The following SLC38A6 variants were observed in gnomAD, a reference collection of about 807,000 sequenced individuals.
The protein encoded by SLC38A6 is solute carrier family 38 member 6.
A neutral mutation model predicts 65.0 loss-of-function variants in SLC38A6; 73 were observed. The observed-to-expected ratio is 1.12, with a 90% CI of 0.93 to 1.37. The LOEUF (loss-of-function observed/expected upper bound fraction) is 1.37, where lower values mean the gene tolerates loss of function less well. SLC38A6 is among the 40% of genes most tolerant of loss of function. The pLI is 0.00. For synonymous variants in SLC38A6, 183 were observed against 178.8 expected, an observed-to-expected ratio of 1.02 and a Z score of -0.19; for missense variants, 561 against 531.1, an observed-to-expected ratio of 1.06 and a Z score of -0.55.
At chr14:60,990,387 C>G (rs2037773684) in intron 3 of SLC38A6, among the ~76,000 whole-genome samples, 1 of 152,102 alleles carries the variant, frequency 6.6e-6, no homozygotes, top group African/African-American at 2.4e-5. Context: ...GCCTGGAACT[C>G]TCCCCTGAAT....
At chr14:61,070,300 TGTA>T (rs1254849251) in intron 15 of SLC38A6, among the ~76,000 whole-genome samples, 3 of 152,234 alleles carry the variant, frequency 2.0e-5, no homozygotes, top group African/African-American at 7.2e-5. Context: ...CAAGGAATCA[TGTA>T]GTATTTTGTC....
chr14:61,037,220 G>A, intron 7 of SLC38A6, 79 bp downstream of exon 7: 1 of 1,085,284 alleles, frequency 9.2e-7, no homozygotes. Flanking sequence ...ATATTAAGGG[G>A]CTTTAAAATT....
chr14:61,040,491 C>T (rs966803922), intron 8 of SLC38A6, among the ~76,000 whole-genome samples: 4 of 152,126 alleles, frequency 2.6e-5, no homozygotes, highest in African/African-American at 9.7e-5. Flanking sequence ...AGGCACCCGC[C>T]ACCACGCCTG....
intron 3 of SLC38A6, chr14:61,004,681 T>G: frequency 6.6e-6 from 1 of 152,344 alleles, no homozygotes; most frequent in East Asian, 1.9e-4. Flanking sequence ...GCTCTGAAAT[T>G]GTGGCAATAA....
At chr14:60,999,388 TG>T (rs2139361679) in intron 3 of SLC38A6, among the ~76,000 whole-genome samples, 1 of 152,374 alleles carries the variant, frequency 6.6e-6, no homozygotes, top group South Asian at 2.1e-4. Flanking sequence ...AAATGGCCTT[TG>T]TGTGCTCCTC....
chr14:61,077,332 A>C (rs1210678896), intron 15 of SLC38A6, among the ~76,000 whole-genome samples: 1 of 152,212 alleles, frequency 6.6e-6, no homozygotes, highest in Non-Finnish European at 1.5e-5. Context: ...AGGTGGAAAG[A>C]AGTAGATACA....
At position 61,052,036 on chromosome 14, in the gene SLC38A6, T is replaced by A. The variant is rs975608916; in HGVS notation, c.1196-5T>A. 5 of 1,601,590 alleles carry A rather than the reference T, an allele frequency of 3.1e-6. No individual in the cohort carries two copies. The highest frequency in any genetic ancestry group is 1.3e-5 in the African/African-American group (1 of 74,128). Reference sequence around the variant, plus strand: ...TCCTCTCTTTTTTTTCCCTCCACTTTAAAGGTGCCAGTACATCAACATGTT... The same window carrying A: ...TCCTCTCTTTTTTTTCCCTCCACTTAAAAGGTGCCAGTACATCAACATGTT... On this transcript the variant is annotated splice_region_variant and splice_polypyrimidine_tract_variant and intron_variant, in intron 14 of 15. Coordinates refer to ENST00000267488, the MANE Select transcript of SLC38A6 (RefSeq NM_153811.3).
intron 3 of SLC38A6, among the ~76,000 whole-genome samples, chr14:61,008,490 C>T (rs1402875732): frequency 1.3e-5 from 2 of 152,062 alleles, no homozygotes; most frequent in Admixed American, 1.3e-4. Flanking sequence ...AAATGATGAG[C>T]CATATCTTTA....
intron 3 of SLC38A6, among the ~76,000 whole-genome samples, chr14:60,989,188 C>T (rs1221646302): frequency 6.6e-6 from 1 of 152,066 alleles, no homozygotes; most frequent in African/African-American, 2.4e-5. Flanking sequence ...TACTCTGTTC[C>T]TTGGGATGAA....
intron 15 of SLC38A6, among the ~76,000 whole-genome samples, chr14:61,072,511 C>T (rs532315855): frequency 2.6e-5 from 4 of 152,186 alleles, no homozygotes; most frequent in African/African-American, 7.2e-5. Flanking sequence ...ACCATTTTCA[C>T]CCTGCCCCTA....
Position 61,015,907 on chromosome 14 carries a change from T to A in SLC38A6, c.314T>A (p.Val105Glu), listed in dbSNP as rs1937395093. Residue 105 changes from valine (V) to glutamate (E), a missense_variant, in exon 4 of 16, where the codon GTA (valine) becomes GAA (glutamate). Coordinates refer to ENST00000267488, the MANE Select transcript of SLC38A6 (RefSeq NM_153811.3). ...ACATTGTAATTTCTCTTAACAGCTG[T>A]AACATCTTATGAAGATCTTGGACTC... is the stretch of plus-strand genomic sequence containing the variant. The part of the protein sequence containing the change: ...LLLSMCIQTA[V>E]TSYEDLGLFA... 1 of 1,606,140 alleles carries A rather than the reference T, an allele frequency of 6.2e-7. No homozygotes were observed. Among genetic ancestry groups the A allele is most frequent in the South Asian group, 1.1e-5 (1 of 89,034 alleles).
At chr14:61,003,820 A>G (rs2038881272) in intron 3 of SLC38A6, among the ~76,000 whole-genome samples, 1 of 152,158 alleles carries the variant, frequency 6.6e-6, no homozygotes, top group Non-Finnish European at 1.5e-5. Context: ...AATTTTTGCA[A>G]CAAAAGAAGT....
chr14:61,067,010 G>GA (rs1175471013), intron 15 of SLC38A6, among the ~76,000 whole-genome samples: 1 of 152,032 alleles, frequency 6.6e-6, no homozygotes, highest in Non-Finnish European at 1.5e-5. Flanking sequence ...AAAAAGTTCA[G>GA]ATACAACTTT....
chr14:60,989,179 A>G (rs768772965), intron 3 of SLC38A6, among the ~76,000 whole-genome samples: 7 of 151,780 alleles, frequency 4.6e-5, no homozygotes, highest in Non-Finnish European at 7.4e-5. Context: ...GTGCCTATAT[A>G]CTCTGTTCCT....
At chr14:60,999,853 G>T (rs2038580620) in intron 3 of SLC38A6, among the ~76,000 whole-genome samples, 1 of 152,224 alleles carries the variant, frequency 6.6e-6, no homozygotes, top group Non-Finnish European at 1.5e-5. Flanking sequence ...GAGTGGCCCT[G>T]TGGACACCTT....
At chr14:61,025,776 G>A (rs1226823577) in intron 5 of SLC38A6, among the ~76,000 whole-genome samples, 1 of 151,990 alleles carries the variant, frequency 6.6e-6, no homozygotes, top group Non-Finnish European at 1.5e-5. Flanking sequence ...CATGTGTTCT[G>A]TACTATTTGA....
At chr14:61,062,450 G>GTT (rs1566723246) in intron 15 of SLC38A6, among the ~76,000 whole-genome samples, 1 of 148,620 alleles carries the variant, frequency 6.7e-6, no homozygotes, top group East Asian at 2.0e-4. Context: ...TTTGCCATCT[G>GTT]TTTATTTTCT....
At chr14:61,047,004 A>G (rs528763074) in intron 12 of SLC38A6, among the ~76,000 whole-genome samples, 8 of 152,256 alleles carry the variant, frequency 5.3e-5, no homozygotes, top group African/African-American at 1.9e-4. Flanking sequence ...ACAGACTTGA[A>G]CTCAATAAGA....
intron 3 of SLC38A6, among the ~76,000 whole-genome samples, chr14:61,014,017 A>G (rs1380650019): frequency 1.3e-5 from 2 of 152,172 alleles, no homozygotes; most frequent in African/African-American, 4.8e-5. Flanking sequence ...ACTTTCAGGT[A>G]CACCAATCAG....
Sources: gnomAD v4.1 joint callset for allele counts (sites outside exome capture counted in the v4.1 genomes callset) on GRCh38, gnomAD v4.1.1 for gene constraint, MANE v1.5 for transcripts, NCBI Gene and HGNC (gene_info 2026-07-23, HGNC 2026-07-21) for gene names.